The following ARHGAP44 variants were observed in gnomAD, a reference collection of about 807,000 sequenced individuals.
The protein encoded by ARHGAP44 is rho GTPase-activating protein 44.
A neutral mutation model predicts 106.8 loss-of-function variants in ARHGAP44; 43 were observed. The observed-to-expected ratio is 0.40, with a 90% confidence interval of 0.32 to 0.52. The LOEUF is 0.52. Ranked by LOEUF, ARHGAP44 falls within the 20% of genes least tolerant of loss-of-function variation. The pLI is 0.48. For synonymous variants in ARHGAP44, 439 were observed against 410.3 expected (o/e 1.07, Z -0.85); for missense variants, 866 against 1,050.5 (o/e 0.82, Z 2.43).
intron 18 of ARHGAP44, among the ~76,000 whole-genome samples, chr17:12,979,147 G>A (rs2039769043): frequency 6.6e-6 from 1 of 152,180 alleles, no homozygotes; most frequent in Non-Finnish European, 1.5e-5. Flanking sequence ...TTCACTAAAG[G>A]CCACCTGGAG....
At position 12,990,073 on chromosome 17, in the gene ARHGAP44, G is replaced by A. The variant is rs1164000217; in HGVS notation, c.2359G>A (p.Gly787Arg). Residue 787 changes from glycine (G) to arginine (R), a missense_variant, in exon 21 of 21, where the codon GGG becomes AGG. Physicochemically the swap from Gly to Arg is moderately radical, Grantham distance 125. Around this residue, in one of 2 missense-constraint regions of ARHGAP44, gnomAD observed 418 missense variants for 403.6 expected, o/e 1.04. Transcript: ENST00000379672. ...FDIPSIHIEL[G>R]STLRLSPLEH... ...TATTCCCTCGATCCACATAGAGCTC[G>A]GGTCGACGCTCCGCCTGAGTCCCCT... 14 of 1,612,448 alleles carry A rather than the reference G, an allele frequency of 8.7e-6. No homozygotes were observed. Among genetic ancestry groups the A allele is most frequent in the African/African-American group, 4.0e-5 (3 of 74,884 alleles).
chr17:12,848,625 GCTTGTA>G (rs1246365395), intron 1 of ARHGAP44, among the ~76,000 whole-genome samples: 3 of 152,140 alleles, frequency 2.0e-5, no homozygotes, highest in Admixed American at 6.5e-5. Context: ...CTGCCAGGGT[GCTTGTA>G]CACCTCTGAA....
At chr17:12,908,031 G>A (rs1372860018) in intron 3 of ARHGAP44, among the ~76,000 whole-genome samples, 1 of 151,816 alleles carries the variant, frequency 6.6e-6, no homozygotes, top group Non-Finnish European at 1.5e-5. Flanking sequence ...GGTCTTGATT[G>A]GGGTTTTCCT....
At chr17:12,882,595 T>C (rs538765726) in intron 1 of ARHGAP44, among the ~76,000 whole-genome samples, 2 of 152,284 alleles carry the variant, frequency 1.3e-5, no homozygotes, top group South Asian at 4.1e-4. Context: ...TAATGTTTTA[T>C]AGGTGCTTTT....
chr17:12,919,701 A>G (rs1488374644), intron 5 of ARHGAP44, 54 bp from the exon 6 acceptor site: 1 of 1,529,766 alleles, frequency 6.5e-7, no homozygotes, highest in East Asian at 2.3e-5. Context: ...TGGTTCCTAA[A>G]GAATTTATCT....
Position 12,984,631 on chromosome 17 carries a change from C to T in ARHGAP44, c.2040C>T (p.Ser680=). Residue 680 remains serine (S), a synonymous_variant, in exon 20 of 21, where the codon TCC becomes TCT. Transcript: ENST00000379672. ...SAGQPSPVSL[S]PTPPSTPSPY... ...GCCAGCCGTCCCCAGTCAGCCTGTC[C>T]CCCACCCCGCCCAGCACCCCGTCAC... The T allele has an allele frequency of 6.2e-7, 1 of 1,612,168 alleles. No homozygotes were observed. Among genetic ancestry groups the T allele is most frequent in the South Asian group, 1.1e-5 (1 of 90,968 alleles).
chr17:12,956,813 C>G, intron 15 of ARHGAP44, 67 bp downstream of exon 15: 1 of 1,431,128 alleles, frequency 7.0e-7, no homozygotes, highest in Non-Finnish European at 9.8e-7. Flanking sequence ...GAGTTCTGAG[C>G]CTTTGAAGCC....
chr17:12,964,371 T>C (rs891641504), intron 16 of ARHGAP44, among the ~76,000 whole-genome samples: 4 of 152,214 alleles, frequency 2.6e-5, no homozygotes, highest in Non-Finnish European at 4.4e-5. Flanking sequence ...GGAGCCAGCA[T>C]TGGGCTTTGG....
chr17:12,879,727 T>G (rs2150896945), intron 1 of ARHGAP44, among the ~76,000 whole-genome samples: 1 of 149,982 alleles, frequency 6.7e-6, no homozygotes, highest in Admixed American at 6.7e-5. Flanking sequence ...AAAAAATATA[T>G]ATATATACAC....
intron 1 of ARHGAP44, among the ~76,000 whole-genome samples, chr17:12,822,884 A>C (rs1159588097): frequency 1.3e-5 from 2 of 152,168 alleles, no homozygotes; most frequent in Non-Finnish European, 2.9e-5. Flanking sequence ...CGTTCTGTTC[A>C]AGTATCCAGA....
intron 16 of ARHGAP44, among the ~76,000 whole-genome samples, chr17:12,963,046 CAAAAAAAAA>C (rs71369355): frequency 4.2e-5 from 3 of 70,946 alleles, no homozygotes; most frequent in African/African-American, 6.5e-5. Context: ...AACACCATCT[CAAAAAAAAA>C]AAAAAAAAAA....
chr17:12,933,875 G>A (rs576671038), intron 7 of ARHGAP44, among the ~76,000 whole-genome samples: 3 of 140,402 alleles, frequency 2.1e-5, no homozygotes, highest in Admixed American at 1.5e-4. Flanking sequence ...TTGAGACGGT[G>A]TCTGGCTCTG....
At chr17:12,939,236 C>A (rs1567698015) in intron 7 of ARHGAP44, among the ~76,000 whole-genome samples, 1 of 152,042 alleles carries the variant, frequency 6.6e-6, no homozygotes, top group Non-Finnish European at 1.5e-5. Flanking sequence ...ATTTACCATC[C>A]TTGAGCCTTG....
At chr17:12,895,413 A>G (rs4791518) in intron 2 of ARHGAP44, among the ~76,000 whole-genome samples, 112,832 of 152,096 alleles carry the variant, frequency 0.74, 42,208 homozygotes, top group East Asian at 0.98. Context: ...CTCTCATTGC[A>G]GTTTTGATTT....
chr17:12,828,775 G>A (rs941365698), intron 1 of ARHGAP44, among the ~76,000 whole-genome samples: 2 of 151,338 alleles, frequency 1.3e-5, no homozygotes, highest in Non-Finnish European at 1.5e-5. Flanking sequence ...CTGAGTAGCT[G>A]GGACTACAGG....
intron 16 of ARHGAP44, among the ~76,000 whole-genome samples, chr17:12,964,739 A>T (rs1355344104): frequency 6.6e-6 from 1 of 152,096 alleles, no homozygotes; most frequent in Non-Finnish European, 1.5e-5. Flanking sequence ...GTGAGCCAAG[A>T]TCGCACCACT....
chr17:12,891,854 G>C (rs1030902076), intron 1 of ARHGAP44, among the ~76,000 whole-genome samples: 7 of 151,422 alleles, frequency 4.6e-5, no homozygotes, highest in Non-Finnish European at 1.0e-4. Context: ...GAGTGCAGTG[G>C]CATGATGTCG....
At chr17:12,802,969 A>ATTTTTTTTT (rs1162376884) in intron 1 of ARHGAP44, among the ~76,000 whole-genome samples, 1 of 40,848 alleles carries the variant, frequency 2.4e-5, no homozygotes, top group African/African-American at 8.2e-5. Flanking sequence ...ATATATATAT[A>ATTTTTTTTT]TTTTTTTTTT....
In ARHGAP44 at chr17:12,984,902, T is replaced by C. The variant is rs1456992519; in HGVS notation, c.2311T>C (p.Ser771Pro). The stretch of plus-strand genomic sequence containing the variant: ...TGGCATGTCCCCTGGGGAAAGCATG[T>C]CTACAGGTAACCAAGCCACAGGCTC... The part of the protein sequence containing the change: ...LDGMSPGESM[S>P]TDLVHFDIPS... The change falls in exon 20 of 21, where the codon TCT (serine) becomes CCT (proline). Residue 771 changes from serine (S) to proline (P), a missense_variant. Physicochemically the swap from Ser to Pro is moderately conservative, Grantham distance 74 (BLOSUM62 -1). Transcript: ENST00000379672. 1 of 1,598,818 alleles carries C rather than the reference T, an allele frequency of 6.3e-7. No individual in the cohort carries two copies. The highest frequency in any genetic ancestry group is 8.5e-7 in the Non-Finnish European group (1 of 1,169,836).
Sources: allele counts gnomAD v4.1 joint callset (sites outside exome capture counted in the v4.1 genomes callset), GRCh38; gene constraint gnomAD v4.1.1; regional missense constraint gnomAD v4.1.1; transcripts MANE v1.5; gene names NCBI Gene and HGNC (gene_info 2026-07-23, HGNC 2026-07-21).